Variants in HECW2 observed in about 807,000 individuals in gnomAD.
HECW2 encodes the protein E3 ubiquitin-protein ligase HECW2.
Under a neutral mutation model 175.2 loss-of-function variants are expected in HECW2, and 61 were observed. The ratio of observed to expected loss-of-function variants is 0.35; its 90% CI spans 0.28 to 0.43. The LOEUF (loss-of-function observed/expected upper bound fraction) is 0.43. Among genes scored for constraint, HECW2 ranks in the 20% least tolerant of loss-of-function variants. HECW2 has a pLI of 1.00. For missense variants in HECW2, 1,524 were observed against 2,000.5 expected, an observed-to-expected ratio of 0.76 and a Z score of 4.54; for synonymous variants, 671 against 731.0, an observed-to-expected ratio of 0.92 and a Z score of 1.32.
intron 2 of HECW2, among the ~76,000 whole-genome samples, chr2:196,416,726 C>T (rs1391357233): frequency 1.3e-5 from 2 of 152,184 alleles, no homozygotes; most frequent in Admixed American, 6.5e-5. Flanking sequence ...CCAAGTATCC[C>T]GCCAGGCTGC....
intron 10 of HECW2, among the ~76,000 whole-genome samples, chr2:196,309,702 A>G (rs1375244162): frequency 6.6e-6 from 1 of 152,200 alleles, no homozygotes; most frequent in Non-Finnish European, 1.5e-5. Context: ...GAAATGACCA[A>G]TTCTTCTCCA....
chr2:196,241,391 G>C (rs768914803), intron 20 of HECW2, among the ~76,000 whole-genome samples: 19 of 152,168 alleles, frequency 1.2e-4, no homozygotes, highest in Non-Finnish European at 2.5e-4. Flanking sequence ...GTGAGCCATG[G>C]GGCTGCTGTT....
At chr2:196,396,889 A>C (rs1694676034) in intron 2 of HECW2, among the ~76,000 whole-genome samples, 3 of 152,016 alleles carry the variant, frequency 2.0e-5, no homozygotes, top group African/African-American at 7.2e-5. Flanking sequence ...AGGCGGACGG[A>C]TCACGAGGTC....
intron 14 of HECW2, among the ~76,000 whole-genome samples, chr2:196,286,859 T>C (rs1424525963): frequency 1.3e-5 from 2 of 152,212 alleles, no homozygotes; most frequent in Non-Finnish European, 2.9e-5. Context: ...GCACTTATCT[T>C]GCTAAGAGAC....
At chr2:196,471,898 T>C (rs1697211055) in intron 1 of HECW2, among the ~76,000 whole-genome samples, 1 of 151,064 alleles carries the variant, frequency 6.6e-6, no homozygotes, top group East Asian at 1.9e-4. Flanking sequence ...TGAAATAATC[T>C]GTACACCAAA....
intron 1 of HECW2, among the ~76,000 whole-genome samples, chr2:196,492,093 T>C (rs1267798035): frequency 2.0e-5 from 3 of 152,184 alleles, no homozygotes; most frequent in African/African-American, 7.2e-5. Flanking sequence ...AAAATAAAAA[T>C]ATACAATCTC....
intron 2 of HECW2, among the ~76,000 whole-genome samples, chr2:196,357,314 C>T (rs1358141242): frequency 3.8e-5 from 5 of 131,108 alleles, no homozygotes; most frequent in Non-Finnish European, 7.8e-5. Flanking sequence ...TTTGACAACC[C>T]TGGTGGGGGG....
At chr2:196,206,140 C>T (rs1687060052) in intron 28 of HECW2, among the ~76,000 whole-genome samples, 6 of 152,198 alleles carry the variant, frequency 3.9e-5, no homozygotes, top group Admixed American at 3.9e-4. Context: ...AGCAAAAGTG[C>T]ATCCAGCTAT....
intron 13 of HECW2, among the ~76,000 whole-genome samples, chr2:196,302,432 G>GT (rs1218816131): frequency 6.6e-6 from 1 of 152,150 alleles, no homozygotes; most frequent in African/African-American, 2.4e-5. Flanking sequence ...TTTTAAAATA[G>GT]TTTTTTCTAA....
intron 15 of HECW2, among the ~76,000 whole-genome samples, chr2:196,276,015 T>G (rs1689941716): frequency 6.6e-6 from 1 of 152,242 alleles, no homozygotes. Context: ...TGGGGAGATC[T>G]GATCACTAAG....
At position 196,460,776 on chromosome 2, in the gene HECW2, ATT is replaced by A. The variant is rs201916150; in HGVS notation, c.-35-27320_-35-27319del. On this transcript the variant is annotated intron_variant, in intron 1 of 28. Transcript: ENST00000644978. ...CAAGCATGCATCACCACACCTGGCA[ATT>A]TTTTTTTTTTTTTTTTTTTTTTTTT... is the stretch of plus-strand genomic sequence containing the variant. Among the ~76,000 whole-genome samples the A allele has an allele frequency of 3.2e-3, 370 of 115,922 alleles. 1 individual carries two copies. Among genetic ancestry groups the A allele is most frequent in the African/African-American group, 0.01 (352 of 34,184 alleles). 76.0% of individuals were successfully genotyped at this position (115,922 alleles called of 152,430 possible).
chr2:196,420,664 C>T (rs1488859579), intron 2 of HECW2, among the ~76,000 whole-genome samples: 1 of 152,140 alleles, frequency 6.6e-6, no homozygotes, highest in Non-Finnish European at 1.5e-5. Flanking sequence ...TTTTATAATG[C>T]AACATTTTTT....
In HECW2 at chr2:196,297,562, A is replaced by G. The variant is rs141085497; in HGVS notation, c.2815-4812T>C. ...TTTTCCTTAGTGTTATGATGACCAA[A>G]TGTCCTAGATTACCTGGCCCAGTCC... On this transcript the variant is annotated intron_variant, in intron 13 of 28. Transcript: ENST00000644978. Among the ~76,000 whole-genome samples, 138 of 152,308 alleles carry G rather than the reference A, an allele frequency of 9.1e-4. 1 individual carries two copies. The highest frequency in any genetic ancestry group is 3.1e-3 in the African/African-American group (129 of 41,578).
intron 13 of HECW2, among the ~76,000 whole-genome samples, chr2:196,300,937 G>A (rs909959545): frequency 4.6e-5 from 7 of 151,812 alleles, no homozygotes; most frequent in African/African-American, 1.2e-4. Context: ...ATAGACAAAT[G>A]TGTGCCATGG....
chr2:196,513,770 C>A (rs1688045751), intron 1 of HECW2, among the ~76,000 whole-genome samples: 1 of 152,204 alleles, frequency 6.6e-6, no homozygotes, highest in South Asian at 2.1e-4. Flanking sequence ...TCATCCACAC[C>A]AGTGGTGCTC....
At chr2:196,586,980 A>G (rs946278083) in intron 1 of HECW2, among the ~76,000 whole-genome samples, 4 of 152,186 alleles carry the variant, frequency 2.6e-5, no homozygotes, top group Non-Finnish European at 1.5e-5. Flanking sequence ...GTTATTTGAC[A>G]AAGGAGTTTT....
chr2:196,206,802 G>A (rs553904934), intron 28 of HECW2, among the ~76,000 whole-genome samples: 72 of 152,310 alleles, frequency 4.7e-4, no homozygotes, highest in African/African-American at 1.6e-3. Flanking sequence ...CTAGCTGCAG[G>A]CTGCATTTCT....
chr2:196,549,428 G>A (rs1689534967), intron 1 of HECW2, among the ~76,000 whole-genome samples: 1 of 152,140 alleles, frequency 6.6e-6, no homozygotes, highest in Non-Finnish European at 1.5e-5. Context: ...CTGCATGTGA[G>A]TGAAACGATA....
At chr2:196,573,396 T>A (rs373751953) in intron 1 of HECW2, among the ~76,000 whole-genome samples, 29 of 152,074 alleles carry the variant, frequency 1.9e-4, no homozygotes, top group East Asian at 1.7e-3. Context: ...TTTTTTGCCC[T>A]ATTTCCATCA....
Sources: allele counts gnomAD v4.1 joint callset (sites outside exome capture counted in the v4.1 genomes callset), GRCh38; gene constraint gnomAD v4.1.1; transcripts MANE v1.5; gene names NCBI Gene and HGNC (gene_info 2026-07-23, HGNC 2026-07-21).